Variants in EXOC4 observed in about 807,000 individuals in gnomAD.
The protein encoded by EXOC4 is exocyst complex component 4, also known as SEC8-like 1.
EXOC4 carries 71 observed loss-of-function variants against 107.2 expected under a neutral mutation model. The observed-to-expected ratio is 0.66, with a 90% confidence interval of 0.55 to 0.81. EXOC4 has a LOEUF of 0.81. Ranked by LOEUF, EXOC4 falls within the 30% of genes least tolerant of loss-of-function variation. The pLI, the probability that EXOC4 is intolerant of heterozygous loss-of-function variation, is 0.00. For synonymous variants in EXOC4, 456 were observed against 441.2 expected (o/e 1.03, Z -0.42); for missense variants, 1,108 against 1,189.6 (o/e 0.93, Z 1.01).
intron 10 of EXOC4, among the ~76,000 whole-genome samples, chr7:133,787,323 C>T (rs1201366073): frequency 6.7e-6 from 1 of 149,286 alleles, no homozygotes; most frequent in Non-Finnish European, 1.5e-5. Context: ...TGCACCACCA[C>T]AATAGGCTAA....
chr7:133,945,385 C>T (rs1180055787), intron 14 of EXOC4, among the ~76,000 whole-genome samples: 1 of 152,114 alleles, frequency 6.6e-6, no homozygotes, highest in East Asian at 1.9e-4. Context: ...TTTGCCAGTT[C>T]TTCTATCCTC....
chr7:133,755,147 A>T (rs1160553226), intron 10 of EXOC4, among the ~76,000 whole-genome samples: 1 of 147,492 alleles, frequency 6.8e-6, no homozygotes, highest in Non-Finnish European at 1.5e-5. Context: ...TTTCTGCAAG[A>T]CTTACTTGAA....
chr7:133,719,191 C>T (rs528402584), intron 10 of EXOC4, among the ~76,000 whole-genome samples: 6 of 152,280 alleles, frequency 3.9e-5, no homozygotes, highest in Admixed American at 2.0e-4. Context: ...CAAACTTTCT[C>T]TCTTTGCCTT....
chr7:134,048,914 T>G lies in EXOC4; in HGVS notation c.2688-15377T>G, dbSNP rs143449128. Among the ~76,000 whole-genome samples, 486 of 152,278 alleles carry G rather than the reference T, an allele frequency of 3.2e-3. 2 individuals are homozygous for G. The highest frequency in any genetic ancestry group is 0.011 in the African/African-American group (469 of 41,550). On this transcript the variant is annotated intron_variant, in intron 17 of 17. Transcript: ENST00000253861. Reference sequence around the variant, plus strand: ...TTGCCCAACAGTCTGAAGGCTTTCTTACCCTCAGGTCCATCCTCCATGCTG... The same window carrying G: ...TTGCCCAACAGTCTGAAGGCTTTCTGACCCTCAGGTCCATCCTCCATGCTG...
chr7:133,869,106 A>G, intron 11 of EXOC4, among the ~76,000 whole-genome samples: 1 of 149,066 alleles, frequency 6.7e-6, no homozygotes, highest in East Asian at 2.0e-4. Context: ...TAACTTGTCT[A>G]GAAAGCCATT....
intron 10 of EXOC4, among the ~76,000 whole-genome samples, chr7:133,694,050 G>A (rs571370712): frequency 1.3e-5 from 2 of 152,044 alleles, no homozygotes; most frequent in Admixed American, 6.6e-5. Context: ...CGGATCATGA[G>A]GTCAAGAGAT....
intron 11 of EXOC4, among the ~76,000 whole-genome samples, chr7:133,886,466 C>T (rs886150845): frequency 6.6e-6 from 1 of 152,132 alleles, no homozygotes; most frequent in African/African-American, 2.4e-5. Flanking sequence ...AGATTAACAG[C>T]GTATCCCTGT....
chr7:133,258,675 G>A (rs940900127), intron 1 of EXOC4, among the ~76,000 whole-genome samples: 3 of 152,152 alleles, frequency 2.0e-5, no homozygotes, highest in Admixed American at 1.3e-4. Context: ...TTGCCGGATA[G>A]CAACCAGGCT....
chr7:134,031,744 T>C (rs369382580), intron 17 of EXOC4, among the ~76,000 whole-genome samples: 2 of 152,194 alleles, frequency 1.3e-5, no homozygotes, highest in African/African-American at 4.8e-5. Context: ...AGAAGGAAAC[T>C]TCTATGCAAG....
chr7:133,921,873 T>C (rs1799944334), intron 13 of EXOC4, among the ~76,000 whole-genome samples: 1 of 152,166 alleles, frequency 6.6e-6, no homozygotes, highest in Non-Finnish European at 1.5e-5. Context: ...GTATGTTTTT[T>C]AACTATCTCA....
intron 9 of EXOC4, among the ~76,000 whole-genome samples, chr7:133,503,311 T>C (rs535995855): frequency 2.0e-5 from 3 of 152,272 alleles, no homozygotes; most frequent in Non-Finnish European, 4.4e-5. Context: ...GATTCCAGAA[T>C]ACACCAAAAA....
In EXOC4 at chr7:133,817,403, C is replaced by T. The variant is rs1258549114; in HGVS notation, c.1593C>T (p.Tyr531=). ...CTCTTCGAGAGTTTCTCACCGTGTACATCAAAAACATCTTTCTCAATCAAG... is the reference window on the plus strand; with the variant it reads ...CTCTTCGAGAGTTTCTCACCGTGTATATCAAAAACATCTTTCTCAATCAAG... ...QCPLREFLTV[Y]IKNIFLNQVL... is the part of the protein sequence containing the mutation. The change falls in exon 11 of 18, where the codon TAC becomes TAT. Residue 531 remains tyrosine (Y), a synonymous_variant. Transcript: ENST00000253861. 7 of 1,614,056 alleles carry T rather than the reference C, an allele frequency of 4.3e-6. No individual in the cohort carries two copies. Among genetic ancestry groups the T allele is most frequent in the Non-Finnish European group, 5.9e-6 (7 of 1,179,956 alleles).
intron 14 of EXOC4, among the ~76,000 whole-genome samples, chr7:133,980,622 T>C (rs1362650214): frequency 1.3e-5 from 2 of 152,260 alleles, no homozygotes; most frequent in African/African-American, 4.8e-5. Flanking sequence ...AGGAGAATAC[T>C]CATATCCTTT....
At chr7:134,006,202 T>G (rs891113033) in intron 16 of EXOC4, among the ~76,000 whole-genome samples, 5 of 151,514 alleles carry the variant, frequency 3.3e-5, no homozygotes, top group African/African-American at 1.2e-4. Context: ...TTTAATATAT[T>G]TATTATAATA....
chr7:133,639,162 T>C (rs2151022970), intron 10 of EXOC4, among the ~76,000 whole-genome samples: 1 of 152,318 alleles, frequency 6.6e-6, no homozygotes, highest in South Asian at 2.1e-4. Flanking sequence ...ATACAGTCTC[T>C]CCCTTTAATA....
At chr7:133,503,642 C>G (rs1799616112) in intron 9 of EXOC4, among the ~76,000 whole-genome samples, 1 of 152,120 alleles carries the variant, frequency 6.6e-6, no homozygotes, top group Non-Finnish European at 1.5e-5. Flanking sequence ...TCTTCATGTT[C>G]TTAGATGTTG....
At chr7:133,419,596 A>G (rs1264910012) in intron 7 of EXOC4, among the ~76,000 whole-genome samples, 2 of 151,978 alleles carry the variant, frequency 1.3e-5, no homozygotes, top group Non-Finnish European at 1.5e-5. Context: ...GCCATGGAGG[A>G]TATGGTTTTT....
chr7:133,584,954 A>T (rs143573684), intron 9 of EXOC4, among the ~76,000 whole-genome samples: 2 of 152,270 alleles, frequency 1.3e-5, no homozygotes, highest in East Asian at 3.9e-4. Flanking sequence ...AAAAGTTTGA[A>T]AGTATTCGTT....
chr7:133,983,109 G>A (rs1362272640), intron 14 of EXOC4, among the ~76,000 whole-genome samples: 1 of 151,778 alleles, frequency 6.6e-6, no homozygotes, highest in Non-Finnish European at 1.5e-5. Flanking sequence ...GAAAAGGGGA[G>A]CAGGCATCTC....
Sources: gnomAD v4.1 joint callset for allele counts (sites outside exome capture counted in the v4.1 genomes callset) on GRCh38, gnomAD v4.1.1 for gene constraint, MANE v1.5 for transcripts, NCBI Gene and HGNC (gene_info 2026-07-23, HGNC 2026-07-21) for gene names.